Variants in RHOU observed in about 807,000 individuals in gnomAD.
RHOU encodes rho-related GTP-binding protein RhoU.
RHOU carries 8 observed loss-of-function variants against 12.6 expected under a neutral mutation model. That is an observed-to-expected ratio of 0.64 (90% CI 0.37 to 1.15). The LOEUF (loss-of-function observed/expected upper bound fraction) is 1.15. Ranked by LOEUF, RHOU falls within the 50% of genes most tolerant of loss-of-function variation. The pLI, the probability that RHOU is intolerant of heterozygous loss-of-function variation, is 0.01. For synonymous variants in RHOU, 161 were observed against 147.4 expected, an observed-to-expected ratio of 1.09 and a Z score of -0.67; for missense variants, 258 against 347.0, an observed-to-expected ratio of 0.74 and a Z score of 2.04.
the RHOU span, among the ~76,000 whole-genome samples, chr1:228,668,693 A>G: frequency 1.3e-5 from 2 of 152,204 alleles, no homozygotes; most frequent in African/African-American, 4.8e-5. Context: ...CTTAGAATCG[A>G]TAAAATACAC....
Position 228,743,870 on chromosome 1 carries a change from T to C in RHOU, c.*130T>C. 1 of 756,780 alleles carries C rather than the reference T, an allele frequency of 1.3e-6. No individual in the cohort carries two copies. The highest frequency in any genetic ancestry group is 2.1e-6 in the Non-Finnish European group (1 of 483,830). 46.9% of individuals were successfully genotyped at this position (756,780 alleles called of 1,614,324 possible). On this transcript the variant is annotated 3_prime_UTR_variant, in exon 3 of 3. Transcript: ENST00000366691. This position sits in a 1 kb window ranked among gnomAD's most constrained non-coding sequence, Gnocchi z 5.1. Reference sequence around the variant, plus strand: ...TGTGTATATGTATTATAGGAGGAGCTCTCAATTTTATGTATTCTTTCTGCC... The same window carrying C: ...TGTGTATATGTATTATAGGAGGAGCCCTCAATTTTATGTATTCTTTCTGCC...
the RHOU span, among the ~76,000 whole-genome samples, chr1:228,656,753 TG>T: frequency 6.6e-6 from 1 of 152,008 alleles, no homozygotes; most frequent in East Asian, 1.9e-4. Flanking sequence ...CAACAGAAGA[TG>T]GTAATGCAGA....
At chr1:228,714,654 T>A in the RHOU span, among the ~76,000 whole-genome samples, 2 of 152,034 alleles carry the variant, frequency 1.3e-5, no homozygotes, top group Non-Finnish European at 2.9e-5. Flanking sequence ...AATAGTTATT[T>A]CTCCTTATTT....
the RHOU span, among the ~76,000 whole-genome samples, chr1:228,662,143 C>T: frequency 6.6e-6 from 1 of 152,172 alleles, no homozygotes; most frequent in Non-Finnish European, 1.5e-5. Context: ...TCATCTCACA[C>T]CAGTTAGAAT....
the RHOU span, among the ~76,000 whole-genome samples, chr1:228,726,142 T>C: frequency 6.6e-6 from 1 of 152,172 alleles, no homozygotes; most frequent in African/African-American, 2.4e-5. Flanking sequence ...TCTCCTAATA[T>C]ACACTGGAAA....
chr1:228,724,648 C>T, the RHOU span, among the ~76,000 whole-genome samples: 1 of 152,088 alleles, frequency 6.6e-6, no homozygotes, highest in East Asian at 1.9e-4. Context: ...ACTCTTTTAG[C>T]CATTTTCAAG....
At chr1:228,724,040 G>C in the RHOU span, among the ~76,000 whole-genome samples, 2 of 151,762 alleles carry the variant, frequency 1.3e-5, no homozygotes. Context: ...CTTCCTGCCT[G>C]TTTTTTTTCG....
chr1:228,646,446 G>C, the RHOU span, among the ~76,000 whole-genome samples: 1 of 53,182 alleles, frequency 1.9e-5, no homozygotes, highest in Non-Finnish European at 3.7e-5. Flanking sequence ...CGCCGCACAG[G>C]GGCTCCTGCG....
chr1:228,692,812 C>A, the RHOU span, among the ~76,000 whole-genome samples: 1 of 151,840 alleles, frequency 6.6e-6, no homozygotes, highest in East Asian at 1.9e-4. Context: ...CATTAAAAAT[C>A]AAAACTTCAA....
At chr1:228,719,712 A>G in the RHOU span, among the ~76,000 whole-genome samples, 4 of 152,194 alleles carry the variant, frequency 2.6e-5, no homozygotes, top group Admixed American at 2.0e-4. Flanking sequence ...CCCGGGCGAC[A>G]GAACATGACT....
chr1:228,736,829 T>G (rs1453503336), intron 1 of RHOU, among the ~76,000 whole-genome samples: 2 of 147,528 alleles, frequency 1.4e-5, no homozygotes, highest in African/African-American at 4.9e-5. Flanking sequence ...CTGTCTTGCT[T>G]CTTTAAAAAA....
the RHOU span, among the ~76,000 whole-genome samples, chr1:228,659,908 C>T: frequency 8.7e-5 from 12 of 137,610 alleles, no homozygotes; most frequent in Non-Finnish European, 1.8e-4. Context: ...CACTTGAGCT[C>T]AGGAGTTCAA....
At chr1:228,671,012 G>A in the RHOU span, among the ~76,000 whole-genome samples, 2 of 152,096 alleles carry the variant, frequency 1.3e-5, no homozygotes, top group Admixed American at 6.5e-5. Flanking sequence ...AGTTGTTGTT[G>A]TTGTTTTTTC....
the RHOU span, among the ~76,000 whole-genome samples, chr1:228,722,624 C>T: frequency 6.8e-6 from 1 of 147,068 alleles, no homozygotes; most frequent in African/African-American, 2.7e-5. Flanking sequence ...GTTATCCTGA[C>T]CTCCTTTTTT....
At chr1:228,729,668 A>G in the RHOU span, among the ~76,000 whole-genome samples, 1 of 152,200 alleles carries the variant, frequency 6.6e-6, no homozygotes, top group Non-Finnish European at 1.5e-5. Context: ...ATTAACTCCT[A>G]TGTTTCTAGA....
At chr1:228,693,841 A>G in the RHOU span, among the ~76,000 whole-genome samples, 2 of 152,266 alleles carry the variant, frequency 1.3e-5, no homozygotes, top group African/African-American at 2.4e-5. Flanking sequence ...AACATTAACT[A>G]TTAACCAAGG....
At chr1:228,703,442 C>T in the RHOU span, among the ~76,000 whole-genome samples, 10 of 151,580 alleles carry the variant, frequency 6.6e-5, no homozygotes, top group Middle Eastern at 3.4e-3. Flanking sequence ...AGGAGAATGG[C>T]GTGAACCCGG....
chr1:228,650,679 A>C, the RHOU span: 3 of 485,960 alleles, frequency 6.2e-6, no homozygotes, highest in Non-Finnish European at 1.2e-5. Flanking sequence ...TTTCAAAGTG[A>C]GAGAGCTCTC....
At chr1:228,662,415 A>C in the RHOU span, among the ~76,000 whole-genome samples, 1 of 152,212 alleles carries the variant, frequency 6.6e-6, no homozygotes, top group African/African-American at 2.4e-5. Context: ...ACAATAGCAA[A>C]GACTTGGAAC....
Sources: gnomAD v4.1 joint callset for allele counts (sites outside exome capture counted in the v4.1 genomes callset) on GRCh38, gnomAD v4.1.1 for gene constraint, Gnocchi (gnomAD v3.1) non-coding constraint, MANE v1.5 for transcripts, NCBI Gene and HGNC (gene_info 2026-07-23, HGNC 2026-07-21) for gene names.